NME8: variants seen among roughly 807,000 people sequenced by gnomAD.
NME8 encodes the protein protein NME8.
NME8 carries 72 observed loss-of-function variants against 82.3 expected under a neutral mutation model. The ratio of observed to expected loss-of-function variants is 0.87; its 90% CI spans 0.72 to 1.06. The LOEUF is 1.06. Among genes scored for constraint, NME8 ranks in the 50% least tolerant of loss-of-function variants. The pLI is 0.00. For missense variants in NME8, 712 were observed against 685.4 expected (o/e 1.04, Z -0.43); for synonymous variants, 267 against 228.5 (o/e 1.17, Z -1.52).
chr7:37,863,072 A>G (rs1037762918), intron 7 of NME8, among the ~76,000 whole-genome samples: 1 of 152,150 alleles, frequency 6.6e-6, no homozygotes. Context: ...GTGAGCCAAA[A>G]TAGCACCACT....
At chr7:37,893,254 A>C (rs1785160276) in intron 15 of NME8, among the ~76,000 whole-genome samples, 1 of 152,130 alleles carries the variant, frequency 6.6e-6, no homozygotes, top group South Asian at 2.1e-4. Context: ...ATTTTCCAAA[A>C]ACTGCATTAG....
At chr7:37,853,988 A>G (rs1019656018) in intron 5 of NME8, among the ~76,000 whole-genome samples, 1 of 150,758 alleles carries the variant, frequency 6.6e-6, no homozygotes, top group African/African-American at 2.4e-5. Context: ...CATTATAATT[A>G]TAATACCTGA....
chr7:37,898,902 AT>A (rs1299156175), intron 17 of NME8, among the ~76,000 whole-genome samples: 1 of 152,250 alleles, frequency 6.6e-6, no homozygotes, highest in African/African-American at 2.4e-5. Flanking sequence ...GATAAAAAAA[AT>A]AGTAACAAAA....
At chr7:37,850,835 C>A (rs1012991749) in intron 5 of NME8, 100 bp downstream of exon 5, 12 of 788,434 alleles carry the variant, frequency 1.5e-5, no homozygotes, top group Admixed American at 1.9e-5. Flanking sequence ...AACAACCTGT[C>A]AGTTCTTCAA....
At position 37,867,934 on chromosome 7, in the gene NME8, T is replaced by C. The variant is rs773181802; in HGVS notation, c.818+36T>C. On this transcript the variant is annotated intron_variant, in intron 11 of 17. Coordinates refer to ENST00000199447, the MANE Select transcript of NME8 (RefSeq NM_016616.5). Reference sequence around the variant, plus strand: ...AGACCAGGAATTGTGTTACTTGCAATGTGTTATTGGGTAATGAAGCGTAGT... The same window carrying C: ...AGACCAGGAATTGTGTTACTTGCAACGTGTTATTGGGTAATGAAGCGTAGT... The C allele has an allele frequency of 2.5e-6, 4 of 1,584,024 alleles. No individual in the cohort carries two copies. In the East Asian group the frequency reaches 6.8e-5, roughly 27 times the overall value.
intron 12 of NME8, among the ~76,000 whole-genome samples, chr7:37,879,308 G>C (rs1019883104): frequency 2.0e-5 from 3 of 151,932 alleles, no homozygotes; most frequent in African/African-American, 7.2e-5. Context: ...CACCATGCCC[G>C]GCTAATTTTT....
At chr7:37,892,516 TA>T (rs1188286641) in intron 15 of NME8, among the ~76,000 whole-genome samples, 1 of 151,518 alleles carries the variant, frequency 6.6e-6, no homozygotes, top group East Asian at 1.9e-4. Flanking sequence ...CACAGATATG[TA>T]CACACACACA....
intron 11 of NME8, among the ~76,000 whole-genome samples, chr7:37,868,621 T>A (rs961121338): frequency 3.0e-4 from 46 of 152,198 alleles, no homozygotes; most frequent in African/African-American, 1.0e-3. Context: ...CTTTTCCCTG[T>A]TTGTCTTCCT....
intron 11 of NME8, among the ~76,000 whole-genome samples, chr7:37,875,946 G>A (rs544636727): frequency 2.1e-4 from 32 of 152,136 alleles, no homozygotes; most frequent in South Asian, 1.0e-3. Context: ...GGTGGCTCAC[G>A]CCTATAATCC....
chr7:37,887,190 A>G (rs1265225278), intron 14 of NME8, among the ~76,000 whole-genome samples: 1 of 152,218 alleles, frequency 6.6e-6, no homozygotes, highest in Non-Finnish European at 1.5e-5. Flanking sequence ...ATGCTTATTT[A>G]TAGGAAAGAA....
rs768515788 is a variant in NME8, at chr7:37,884,365, T to C, written c.1057T>C (p.Leu353=). The C allele has an allele frequency of 6.9e-6, 11 of 1,603,156 alleles. No homozygotes were observed. Among genetic ancestry groups the C allele is most frequent in the Non-Finnish European group, 9.4e-6 (11 of 1,170,090 alleles). The part of the protein sequence containing the change: ...FKILEQRQVV[L]SEKEAQALCK... ...AATACTGGAGCAAAGACAAGTAGTA[T>C]TATCGGAAAAAGAAGCACAAGCACT... Residue 353 remains leucine (L), a synonymous_variant, in exon 13 of 18, where the codon TTA becomes CTA. Transcript: ENST00000199447.
chr7:37,882,643 G>GAAAGAAAAAGAA lies in NME8; in HGVS notation c.995-1659_995-1658insAAGAAAAAGAAA, dbSNP rs796634405. 1.4e-3 allele frequency among the ~76,000 whole-genome samples: 70 copies of GAAAGAAAAAGAA among 49,472 alleles called. 4 individuals are homozygous for GAAAGAAAAAGAA. In the East Asian group the frequency reaches 0.016, roughly 11 times the overall value. 32.5% of individuals were successfully genotyped at this position (49,472 alleles called of 152,430 possible). ...AGAAAGAAAGAAAGAAAGAAAGAAAGAGAAAGAAAGAAAGAGAAAGAAAGA... is the reference window on the plus strand; with the variant it reads ...AGAAAGAAAGAAAGAAAGAAAGAAAGAAAGAAAAAGAAAGAAAGAAAGAAAGAGAAAGAAAGA... On this transcript the variant is annotated intron_variant, in intron 12 of 17. Transcript: ENST00000199447.
chr7:37,874,726 T>C (rs2131958023), intron 11 of NME8, among the ~76,000 whole-genome samples: 1 of 152,282 alleles, frequency 6.6e-6, no homozygotes, highest in Admixed American at 6.5e-5. Flanking sequence ...TCCCGTCACA[T>C]ATAGACATTA....
At chr7:37,855,342 A>G (rs1331678849) in intron 5 of NME8, among the ~76,000 whole-genome samples, 1 of 152,198 alleles carries the variant, frequency 6.6e-6, no homozygotes, top group Non-Finnish European at 1.5e-5. Context: ...AGCTGGTGTT[A>G]TCTTTTCCTT....
In NME8 at chr7:37,868,170, TAGAA is replaced by T. The variant is rs548535550; in HGVS notation, c.818+276_818+279del. On this transcript the variant is annotated intron_variant, in intron 11 of 17. Coordinates refer to ENST00000199447, the MANE Select transcript of NME8 (RefSeq NM_016616.5). ...GGTTTGAAAGAAAAGTTTTGTTAGATAGAAAGAGCACTGCAGAAGAGTGCAGCGG... is the reference window on the plus strand; with the variant it reads ...GGTTTGAAAGAAAAGTTTTGTTAGATAGAGCACTGCAGAAGAGTGCAGCGG... 1.8e-4 allele frequency among the ~76,000 whole-genome samples: 27 copies of T among 152,222 alleles called. No homozygotes were observed. In the South Asian group the frequency reaches 4.4e-3, roughly 25 times the overall value.
chr7:37,886,496 G>A (rs1785042646), intron 14 of NME8, among the ~76,000 whole-genome samples: 2 of 152,116 alleles, frequency 1.3e-5, no homozygotes, highest in South Asian at 4.1e-4. Flanking sequence ...CTCTTCAAAT[G>A]GAACTTCACC....
intron 5 of NME8, among the ~76,000 whole-genome samples, 199 bp from the exon 6 acceptor site, chr7:37,857,075 G>A (rs559140528): frequency 2.2e-4 from 33 of 152,246 alleles, no homozygotes; most frequent in African/African-American, 7.5e-4. Flanking sequence ...AAAGGGAAAC[G>A]GTGCGGAAAG....
intron 1 of NME8, 45 bp downstream of exon 1, chr7:37,848,773 T>A (rs1388890056): frequency 6.6e-6 from 1 of 152,258 alleles, no homozygotes; most frequent in Non-Finnish European, 1.5e-5. Context: ...GCCGCTCAAG[T>A]CTCACGGGCA....
chr7:37,869,416 A>C (rs566956622), intron 11 of NME8, among the ~76,000 whole-genome samples: 3 of 152,324 alleles, frequency 2.0e-5, no homozygotes, highest in Non-Finnish European at 4.4e-5. Flanking sequence ...AGCCATTCAA[A>C]AAACAAAAAG....
Sources: allele counts gnomAD v4.1 joint callset (sites outside exome capture counted in the v4.1 genomes callset), GRCh38; gene constraint gnomAD v4.1.1; transcripts MANE v1.5; gene names NCBI Gene and HGNC (gene_info 2026-07-23, HGNC 2026-07-21).